ARHGAP32: variants seen among roughly 807,000 people sequenced by gnomAD.
The protein encoded by ARHGAP32 is rho GTPase-activating protein 32.
Under a neutral mutation model 186.5 loss-of-function variants are expected in ARHGAP32, and 51 were observed. That is an observed-to-expected ratio of 0.27 (90% CI 0.22 to 0.35). ARHGAP32 has a LOEUF of 0.35. Among genes scored for constraint, ARHGAP32 ranks in the 10% least tolerant of loss-of-function variants. The probability of loss-of-function intolerance (pLI) is 1.00; values close to 1 mark genes in which losing one functional copy is unlikely to be tolerated. For missense variants in ARHGAP32, 2,186 were observed against 2,623.5 expected (o/e 0.83, Z 3.64); for synonymous variants, 950 against 964.3 (o/e 0.99, Z 0.27).
intron 6 of ARHGAP32, among the ~76,000 whole-genome samples, chr11:129,074,948 C>T (rs495808): frequency 0.73 from 111,040 of 152,124 alleles, 41,008 homozygotes; most frequent in South Asian, 0.83. Context: ...ATATGTAACT[C>T]AGCTGCAGTC....
intron 2 of ARHGAP32, among the ~76,000 whole-genome samples, chr11:129,136,029 AAAGAT>A (rs1942928911): frequency 1.3e-5 from 2 of 152,322 alleles, no homozygotes; most frequent in African/African-American, 4.8e-5. Flanking sequence ...AAGCATTCAA[AAAGAT>A]AAGTCAGAGT....
chr11:129,033,785 T>G (rs1260161799), intron 11 of ARHGAP32, among the ~76,000 whole-genome samples: 1 of 152,216 alleles, frequency 6.6e-6, no homozygotes, highest in African/African-American at 2.4e-5. Flanking sequence ...GCTTCTCTTT[T>G]TTTATATTCA....
intron 1 of ARHGAP32, 52 bp downstream of exon 1, chr11:129,192,031 G>T: frequency 7.8e-7 from 1 of 1,284,440 alleles, no homozygotes; most frequent in Non-Finnish European, 1.1e-6. Flanking sequence ...AAAGGGGTGC[G>T]GGTGGGGGTA....
intron 1 of ARHGAP32, among the ~76,000 whole-genome samples, chr11:129,189,705 G>A (rs1003674493): frequency 2.0e-5 from 3 of 152,130 alleles, no homozygotes; most frequent in Non-Finnish European, 4.4e-5. Context: ...CCATGAAGGA[G>A]ACCGGCAACT....
chr11:129,095,455 G>C (rs985386888), intron 5 of ARHGAP32, among the ~76,000 whole-genome samples: 1 of 152,202 alleles, frequency 6.6e-6, no homozygotes, highest in East Asian at 1.9e-4. Context: ...ATTCCCACAG[G>C]TACTCACCAG....
chr11:129,054,196 A>G (rs1346076516), intron 10 of ARHGAP32, among the ~76,000 whole-genome samples: 2 of 151,486 alleles, frequency 1.3e-5, no homozygotes, highest in Non-Finnish European at 2.9e-5. Context: ...CCAAGAGAAC[A>G]TGGGGTATAT....
upstream of ARHGAP32, among the ~76,000 whole-genome samples, chr11:129,193,538 ATATT>A (rs1283129315): frequency 2.6e-5 from 1 of 38,912 alleles, no homozygotes; most frequent in South Asian, 4.9e-4. Flanking sequence ...TATAATATAT[ATATT>A]ATATATAATA....
intron 10 of ARHGAP32, among the ~76,000 whole-genome samples, chr11:129,056,506 C>A (rs535769511): frequency 6.6e-6 from 1 of 152,088 alleles, no homozygotes; most frequent in Admixed American, 6.5e-5. Context: ...TTTGGCCTCC[C>A]AAAGTGCTAG....
chr11:129,110,737 A>G (rs1942187513), intron 5 of ARHGAP32, among the ~76,000 whole-genome samples: 1 of 151,944 alleles, frequency 6.6e-6, no homozygotes, highest in South Asian at 2.1e-4. Context: ...CAGCTATTTC[A>G]TTACTGCTAT....
At position 128,973,212 on chromosome 11, in the gene ARHGAP32, C is replaced by G. The variant is rs749000618; in HGVS notation, c.3294G>C (p.Leu1098=). The change falls in exon 22 of 23, where the codon CTG becomes CTC. Residue 1098 remains leucine (L), a synonymous_variant. Transcript: ENST00000682385. ...GAGCAACTGCAGAGTAAGAACTGGACAGATTATCTTCAGTTGTAGCCACCG... is the reference window on the plus strand; with the variant it reads ...GAGCAACTGCAGAGTAAGAACTGGAGAGATTATCTTCAGTTGTAGCCACCG... ...DIAVATTEDN[L]SSSYSAVALD... is the part of the protein sequence containing the mutation. 1.2e-6 allele frequency: 2 copies of G among 1,614,150 alleles called. No homozygotes were observed. The highest frequency in any genetic ancestry group is 1.7e-6 in the Non-Finnish European group (2 of 1,180,036).
At chr11:129,215,029 G>GA (rs1944628237) in intron 1 of ARHGAP32, among the ~76,000 whole-genome samples, 1 of 152,132 alleles carries the variant, frequency 6.6e-6, no homozygotes, top group Admixed American at 6.6e-5. Context: ...ACTCAAAATG[G>GA]ATATACCTCA....
chr11:129,229,002 A>G (rs1167362407), intron 1 of ARHGAP32, among the ~76,000 whole-genome samples: 1 of 152,238 alleles, frequency 6.6e-6, no homozygotes, highest in Non-Finnish European at 1.5e-5. Flanking sequence ...GAGTTATTAC[A>G]TCACTTACCC....
rs1441251212 is a variant in ARHGAP32, at chr11:128,967,152, A to G, written c.*1755T>C. Reference sequence around the variant, plus strand: ...TCCACATATCAATGTGTTGTTCTTGAAACATTTTATTTTTTTCTAAATATA... The same window carrying G: ...TCCACATATCAATGTGTTGTTCTTGGAACATTTTATTTTTTTCTAAATATA... On this transcript the variant is annotated 3_prime_UTR_variant, in exon 23 of 23. Transcript: ENST00000682385. 6.6e-6 allele frequency: 1 copy of G among 152,218 alleles called. No homozygotes were observed. Among genetic ancestry groups the G allele is most frequent in the Non-Finnish European group, 1.5e-5 (1 of 68,048 alleles). 9.4% of individuals were successfully genotyped at this position (152,218 alleles called of 1,614,324 possible).
chr11:129,055,817 A>C (rs1320371238), intron 10 of ARHGAP32, among the ~76,000 whole-genome samples: 1 of 152,258 alleles, frequency 6.6e-6, no homozygotes, highest in Non-Finnish European at 1.5e-5. Flanking sequence ...CAATAAAACT[A>C]TTCAGTATGA....
chr11:129,195,966 T>C (rs1399714913), upstream of ARHGAP32, among the ~76,000 whole-genome samples: 2 of 152,188 alleles, frequency 1.3e-5, no homozygotes, highest in Non-Finnish European at 1.5e-5. Context: ...CAGCCTTCAC[T>C]TTCCCAACAA....
At position 128,980,763 on chromosome 11, in the gene ARHGAP32, G is replaced by A. The variant is rs937501234; in HGVS notation, c.1781-15C>T. The A allele has an allele frequency of 1.9e-6, 3 of 1,577,776 alleles. No individual in the cohort carries two copies. The highest frequency in any genetic ancestry group is 2.3e-5 in the South Asian group (2 of 86,980). On this transcript the variant is annotated splice_polypyrimidine_tract_variant and intron_variant, in intron 17 of 22. Coordinates refer to ENST00000682385, the MANE Select transcript of ARHGAP32 (RefSeq NM_001378024.1). The stretch of plus-strand genomic sequence containing the variant: ...TGATAGAGAAGCTTCAAAAAGAAAA[G>A]GAAGCTGATGAAGAGAGTCAACTAC...
chr11:128,973,003 T>C lies in ARHGAP32; in HGVS notation c.3503A>G (p.Gln1168Arg), dbSNP rs139231737. The change falls in exon 22 of 23, where the codon CAA becomes CGA. Residue 1168 changes from glutamine (Q) to arginine (R), a missense_variant. Physicochemically the swap from Gln to Arg is conservative, Grantham distance 43. Around this residue, in one of 5 missense-constraint regions of ARHGAP32, gnomAD observed 1,502 missense variants for 1,570.0 expected, o/e 0.96. Transcript: ENST00000682385. ...QVDLTGNQPH[Q>R]AYLSGDPEKA... ...TTCTGGGTCCCCAGATAAATATGCT[T>C]GATGTGGCTGATTCCCTGTTAAGTC... 19 of 1,614,094 alleles carry C rather than the reference T, an allele frequency of 1.2e-5. No individual in the cohort carries two copies. In the African/African-American group the frequency reaches 2.0e-4, roughly 17 times the overall value.
intron 1 of ARHGAP32, among the ~76,000 whole-genome samples, chr11:129,181,154 T>C (rs905754977): frequency 2.6e-5 from 4 of 152,150 alleles, no homozygotes; most frequent in Non-Finnish European, 5.9e-5. Flanking sequence ...GATCGGTTTT[T>C]GTTTATTTCT....
chr11:129,181,801 A>T (rs181236058), intron 1 of ARHGAP32, among the ~76,000 whole-genome samples: 2 of 152,220 alleles, frequency 1.3e-5, no homozygotes, highest in East Asian at 3.9e-4. Context: ...AACCATACAC[A>T]AATCAAAAAG....
Sources: gnomAD v4.1 joint callset for allele counts (sites outside exome capture counted in the v4.1 genomes callset) on GRCh38, gnomAD v4.1.1 for gene constraint, gnomAD v4.1.1 regional missense constraint, MANE v1.5 for transcripts, NCBI Gene and HGNC (gene_info 2026-07-23, HGNC 2026-07-21) for gene names.